Variants in CFAP92 observed in about 807,000 individuals in gnomAD.
The protein encoded by CFAP92 is uncharacterized protein CFAP92.
CFAP92 carries 86 observed loss-of-function variants against 106.3 expected under a neutral mutation model. That is an observed-to-expected ratio of 0.81 (90% confidence interval 0.68 to 0.97). The LOEUF is 0.97. CFAP92 is among the 50% of genes least tolerant of loss of function. The pLI, the probability that CFAP92 is intolerant of heterozygous loss-of-function variation, is 0.00. For synonymous variants in CFAP92, 477 were observed against 506.4 expected (o/e 0.94, Z 0.78); for missense variants, 1,204 against 1,283.8 (o/e 0.94, Z 0.95).
At chr3:128,915,324 A>G in intron 14 of CFAP92, 33 bp downstream of exon 14, 2 of 1,535,838 alleles carry the variant, frequency 1.3e-6, no homozygotes, top group Non-Finnish European at 1.7e-6. Context: ...CCCTATGGAC[A>G]CCCCACCTGA....
At chr3:129,002,643 G>T in exon 1 of CFAP92, 1 of 407,628 alleles carries the variant, frequency 2.5e-6, no homozygotes, top group Non-Finnish European at 4.3e-6. Flanking sequence ...ACCTGTCTGG[G>T]TAGTCTCACA....
chr3:129,020,337 C>A, the CFAP92 span, among the ~76,000 whole-genome samples: 3 of 152,052 alleles, frequency 2.0e-5, no homozygotes, highest in African/African-American at 7.3e-5. Context: ...TGACTTACTC[C>A]CATTTAAAAG....
rs138395298 is a variant in CFAP92 at position 128,915,830 on chromosome 3, A to G, written c.2917-267T>C. ...TTGGTAGCTGCCTTGATAAGCAGCAATCATAAAGTGTTCCCCAGAGGTAAG... is the reference window on the plus strand; with the variant it reads ...TTGGTAGCTGCCTTGATAAGCAGCAGTCATAAAGTGTTCCCCAGAGGTAAG... On this transcript the variant is annotated intron_variant, in intron 13 of 15. Transcript: ENST00000645291. 921 of 489,554 alleles carry G rather than the reference A, an allele frequency of 1.9e-3. 10 individuals carry two copies. The highest frequency in any genetic ancestry group is 0.017 in the African/African-American group (848 of 51,042). The allele number at this position is 489,554 out of a possible 1,614,324, so 30.3% of individuals were successfully genotyped here.
At chr3:128,936,985 T>G (rs773696642) in intron 10 of CFAP92, among the ~76,000 whole-genome samples, 12 of 152,140 alleles carry the variant, frequency 7.9e-5, no homozygotes, top group Non-Finnish European at 1.8e-4. Flanking sequence ...CATTCTGGGG[T>G]CATGAATATG....
At chr3:129,001,492 A>T in intron 1 of CFAP92, 1 of 1,277,790 alleles carries the variant, frequency 7.8e-7, no homozygotes, top group Non-Finnish European at 1.0e-6. Context: ...CAGCTGCTGG[A>T]CACGGTCCCC....
chr3:128,998,251 A>C (rs528300233), upstream of CFAP92, among the ~76,000 whole-genome samples: 4 of 152,300 alleles, frequency 2.6e-5, no homozygotes, highest in African/African-American at 9.6e-5. Context: ...CTTGTTCGTC[A>C]TATTTTCTTA....
At chr3:128,949,629 T>A (rs918081006) in intron 9 of CFAP92, among the ~76,000 whole-genome samples, 2 of 151,954 alleles carry the variant, frequency 1.3e-5, no homozygotes, top group Non-Finnish European at 2.9e-5. Context: ...AAAGGAGGGG[T>A]TTGGGGTAAC....
At chr3:128,942,472 T>C (rs1169611252) in intron 10 of CFAP92, among the ~76,000 whole-genome samples, 4 of 152,200 alleles carry the variant, frequency 2.6e-5, no homozygotes, top group Non-Finnish European at 4.4e-5. Flanking sequence ...TGATTCTGCA[T>C]GACCCAAAGC....
Position 128,935,164 on chromosome 3 carries a change from C to G in CFAP92, c.2414G>C (p.Arg805Pro). Residue 805 changes from arginine to proline, a missense_variant, in exon 11 of 16, where the codon CGA becomes CCA. Coordinates refer to ENST00000645291, the MANE Select transcript of CFAP92 (RefSeq NM_001394090.1). Reference protein sequence around the residue: ...LLLQQAVFFLRDTERRRVFQA... With the variant: ...LLLQQAVFFLPDTERRRVFQA... ...GAAGACCCGCCTCCGCTCAGTGTCT[C>G]GCAGGAAGAACACCGCCTGCTGCAG... The G allele has an allele frequency of 1.3e-6, 2 of 1,535,310 alleles. No homozygotes were observed. The highest frequency in any genetic ancestry group is 1.7e-6 in the Non-Finnish European group (2 of 1,146,388).
At chr3:128,975,203 G>T (rs1338894178) in intron 7 of CFAP92, among the ~76,000 whole-genome samples, 2 of 152,138 alleles carry the variant, frequency 1.3e-5, no homozygotes, top group Non-Finnish European at 2.9e-5. Flanking sequence ...ATTCTTTTAT[G>T]CCTCCCCAAC....
At chr3:128,918,561 G>A (rs181716059) in intron 12 of CFAP92, among the ~76,000 whole-genome samples, 1 of 152,334 alleles carries the variant, frequency 6.6e-6, no homozygotes, top group Non-Finnish European at 1.5e-5. Flanking sequence ...AGCAAGTAAT[G>A]TCCGATAGCC....
chr3:129,022,484 T>C, the CFAP92 span, among the ~76,000 whole-genome samples: 2 of 152,166 alleles, frequency 1.3e-5, no homozygotes, highest in Admixed American at 6.5e-5. Context: ...AAGAGCAACA[T>C]CTGGCCCTTG....
intron 13 of CFAP92, 113 bp downstream of exon 13, chr3:128,915,994 G>C (rs1359422533): frequency 1.6e-5 from 11 of 695,438 alleles, no homozygotes; most frequent in Non-Finnish European, 2.0e-5. Flanking sequence ...TCCCCTAGCT[G>C]ATTGGCTTTC....
chr3:128,924,183 TAA>T (rs1461845717), intron 12 of CFAP92, among the ~76,000 whole-genome samples: 2 of 152,110 alleles, frequency 1.3e-5, no homozygotes, highest in Non-Finnish European at 2.9e-5. Flanking sequence ...TGATATAATG[TAA>T]AAGAGTCTTG....
intron 1 of CFAP92, among the ~76,000 whole-genome samples, chr3:128,999,692 C>G (rs1469842806): frequency 6.6e-6 from 1 of 151,968 alleles, no homozygotes; most frequent in Non-Finnish European, 1.5e-5. Flanking sequence ...GCGCCTGCCA[C>G]CACGCCCAGC....
intron 10 of CFAP92, among the ~76,000 whole-genome samples, chr3:128,938,516 T>G (rs190327383): frequency 1.2e-4 from 18 of 146,090 alleles, no homozygotes; most frequent in Non-Finnish European, 2.1e-4. Flanking sequence ...TTTTAAGAGA[T>G]GGAGTCTCGC....
intron 10 of CFAP92, among the ~76,000 whole-genome samples, chr3:128,940,333 T>C (rs1939501902): frequency 6.6e-6 from 1 of 152,336 alleles, no homozygotes; most frequent in South Asian, 2.1e-4. Context: ...TTTCATTTTC[T>C]TGGGCACAGA....
At chr3:128,925,108 G>T (rs1196300076) in intron 12 of CFAP92, among the ~76,000 whole-genome samples, 2 of 152,240 alleles carry the variant, frequency 1.3e-5, no homozygotes, top group Non-Finnish European at 2.9e-5. Context: ...TAGTGATTTA[G>T]CAAAATAGCA....
intron 4 of CFAP92, among the ~76,000 whole-genome samples, chr3:128,981,359 C>A (rs1943524847): frequency 6.8e-6 from 1 of 147,014 alleles, no homozygotes; most frequent in Non-Finnish European, 1.5e-5. Flanking sequence ...GAGATGCAGT[C>A]TTGCTCTGTC....
Sources: gnomAD v4.1 joint callset for allele counts (sites outside exome capture counted in the v4.1 genomes callset) on GRCh38, gnomAD v4.1.1 for gene constraint, MANE v1.5 for transcripts, NCBI Gene and HGNC (gene_info 2026-07-23, HGNC 2026-07-21) for gene names.